The following ALS2CL variants were observed in gnomAD, a reference collection of about 807,000 sequenced individuals.
The protein encoded by ALS2CL is ALS2 C-terminal like.
In ALS2CL, 112 loss-of-function variants were observed where a neutral mutation model predicts 127.9. The ratio of observed to expected loss-of-function variants is 0.88; its 90% CI spans 0.75 to 1.02. The LOEUF (loss-of-function observed/expected upper bound fraction) is 1.02. Among genes scored for constraint, ALS2CL ranks in the 50% least tolerant of loss-of-function variants. ALS2CL has a pLI of 0.00. For missense variants in ALS2CL, 1,174 were observed against 1,236.7 expected (o/e 0.95, Z 0.76); for synonymous variants, 519 against 527.6 (o/e 0.98, Z 0.22).
In ALS2CL at chr3:46,674,621, C is replaced by T; in HGVS notation, c.2374G>A (p.Ala792Thr). 2.5e-6 allele frequency: 4 copies of T among 1,614,080 alleles called. No homozygotes were observed. Among genetic ancestry groups the T allele is most frequent in the Non-Finnish European group, 2.5e-6 (3 of 1,179,996 alleles). Residue 792 changes from alanine to threonine, a missense_variant, in exon 21 of 26, where the codon GCC becomes ACC. Physicochemically the swap from Ala to Thr is moderately conservative, Grantham distance 58 (BLOSUM62 0). Coordinates refer to ENST00000318962, the MANE Select transcript of ALS2CL (RefSeq NM_147129.5). ...GTATCAGGAAAGAGGCTCAAGTTGG[C>T]AATGCCCTGGCTGTAGAAGCTGTCC... ...REDSFYSQGI[A>T]NLSLFPDTQL... is the part of the protein sequence containing the mutation.
chr3:46,676,799 GC>G, intron 17 of ALS2CL, 49 bp downstream of exon 17: 1 of 1,594,444 alleles, frequency 6.3e-7, no homozygotes, highest in Non-Finnish European at 8.6e-7. Flanking sequence ...CCCCCAGGAA[GC>G]CCTCCCCAGC....
At chr3:46,691,586 G>A (rs1700157311) in intron 1 of ALS2CL, among the ~76,000 whole-genome samples, 1 of 152,034 alleles carries the variant, frequency 6.6e-6, no homozygotes, top group South Asian at 2.1e-4. Context: ...CCCTCACCTG[G>A]CTGCTCAGCC....
chr3:46,687,148 G>C lies in ALS2CL; in HGVS notation c.369C>G (p.Ser123Arg). ...CCTTCCGCTGGCCCCGCCAGTACTC[G>C]CTGCGTGTAGAGAGGGCCACGCACC... ...QAFQKAAKRR[S>R]EYWRGQRKAL... Residue 123 changes from serine to arginine, a missense_variant and splice_region_variant, in exon 5 of 26, where the codon AGC becomes AGG. By Grantham distance (110) the Ser-to-Arg change is moderately radical. Coordinates refer to ENST00000318962, the MANE Select transcript of ALS2CL (RefSeq NM_147129.5). 6.4e-7 allele frequency: 1 copy of C among 1,563,772 alleles called. No individual in the cohort carries two copies. The highest frequency in any genetic ancestry group is 8.6e-7 in the Non-Finnish European group (1 of 1,162,230).
intron 3 of ALS2CL, 50 bp from the exon 4 acceptor site, chr3:46,687,734 C>A: frequency 6.4e-7 from 1 of 1,564,158 alleles, no homozygotes; most frequent in South Asian, 1.2e-5. Context: ...CAGCCCCAGA[C>A]CTAAGCCCCT....
rs998921488 is a variant in ALS2CL at position 46,670,791 on chromosome 3, C to T, written c.*193G>A. On this transcript the variant is annotated 3_prime_UTR_variant, in exon 26 of 26. Transcript: ENST00000318962. The surrounding 1 kb of genome is among the most constrained non-coding windows in gnomAD (Gnocchi z 5.5). ...GCTAGTGGCCAAGGGAAAACCACCA[C>T]ATCCAGGGCCACACCCGTCACCCCT... The T allele has an allele frequency of 1.7e-5, 10 of 572,066 alleles. No homozygotes were observed. The highest frequency in any genetic ancestry group is 1.1e-4 in the African/African-American group (6 of 53,094). 35.4% of individuals were successfully genotyped at this position (572,066 alleles called of 1,614,324 possible).
At chr3:46,684,700 C>G (rs1350484093) in intron 7 of ALS2CL, among the ~76,000 whole-genome samples, 1 of 152,184 alleles carries the variant, frequency 6.6e-6, no homozygotes, top group Non-Finnish European at 1.5e-5. Flanking sequence ...CCACCAGACA[C>G]AACAGCATGT....
chr3:46,674,439 T>G, intron 21 of ALS2CL, 127 bp downstream of exon 21: 1 of 1,260,080 alleles, frequency 7.9e-7, no homozygotes, highest in Non-Finnish European at 1.1e-6. Context: ...CAGCCACACC[T>G]GAATGCATAA....
chr3:46,671,837 G>A, intron 24 of ALS2CL, 47 bp downstream of exon 24: 14 of 1,607,970 alleles, frequency 8.7e-6, no homozygotes, highest in Non-Finnish European at 1.1e-5. Context: ...GTGGTTGGGG[G>A]TGGGACCCTG....
rs1193762115 is a variant in ALS2CL at position 46,681,977 on chromosome 3, G to C, written c.1175+52C>G. ...CTGGTGACCACAGCAGGGGAGGAAA[G>C]CACCCTTCAGCCCACTGCACGCCTC... On this transcript the variant is annotated intron_variant, in intron 11 of 25. Coordinates refer to ENST00000318962, the MANE Select transcript of ALS2CL (RefSeq NM_147129.5). This position sits in a 1 kb window ranked among gnomAD's most constrained non-coding sequence, Gnocchi z 4.9. The C allele has an allele frequency of 1.9e-6, 3 of 1,593,456 alleles. No homozygotes were observed. The highest frequency in any genetic ancestry group is 1.7e-5 in the Admixed American group (1 of 58,512).
chr3:46,681,392 C>T lies in ALS2CL; in HGVS notation c.1290G>A (p.Glu430=), dbSNP rs183997141. 1.2e-6 allele frequency: 2 copies of T among 1,605,444 alleles called. No individual in the cohort carries two copies. The highest frequency in any genetic ancestry group is 2.7e-5 in the African/African-American group (2 of 74,870). The part of the protein sequence containing the change: ...GYGICEYSTD[E]VYKGYFQEGL... Reference sequence around the variant, plus strand: ...CCTCCTGGAAGTAGCCCTTGTACACCTCGTCGGTGCTGTACCTGGGGAGGG... The same window carrying T: ...CCTCCTGGAAGTAGCCCTTGTACACTTCGTCGGTGCTGTACCTGGGGAGGG... The change falls in exon 13 of 26, where the codon GAG becomes GAA. Residue 430 remains glutamate, a synonymous_variant. Transcript: ENST00000318962. This position sits in a 1 kb window ranked among gnomAD's most constrained non-coding sequence, Gnocchi z 4.9.
At chr3:46,680,092 C>A (rs868085854) in intron 14 of ALS2CL, 6 of 280,968 alleles carry the variant, frequency 2.1e-5, no homozygotes, top group African/African-American at 6.3e-5. Flanking sequence ...AGGGTGGGAG[C>A]TTAGCCCAGA....
rs754547134 is a variant in ALS2CL at position 46,689,327 on chromosome 3, C to A, written c.103+11G>T. 25 of 1,612,272 alleles carry A rather than the reference C, an allele frequency of 1.6e-5. No homozygotes were observed. Among genetic ancestry groups the A allele is most frequent in the Admixed American group, 1.5e-4 (9 of 59,950 alleles). ...GTGCCCTTCCCTCCCCACTAGAAAGCCTAGACTCACCGGCTGGGAGCAGGG... is the reference window on the plus strand; with the variant it reads ...GTGCCCTTCCCTCCCCACTAGAAAGACTAGACTCACCGGCTGGGAGCAGGG... On this transcript the variant is annotated intron_variant, in intron 2 of 25. Transcript: ENST00000318962.
chr3:46,678,195 C>G (rs763712718), intron 16 of ALS2CL, 64 bp downstream of exon 16: 102 of 1,470,436 alleles, frequency 6.9e-5, no homozygotes, highest in Non-Finnish European at 6.3e-5. Context: ...AGACCTGAGT[C>G]TTTGGGATGG....
At chr3:46,676,174 C>T in intron 19 of ALS2CL, 71 bp downstream of exon 19, 1 of 1,565,522 alleles carries the variant, frequency 6.4e-7, no homozygotes, top group South Asian at 1.1e-5. Flanking sequence ...AAATGCAAGG[C>T]AGAACTGATG....
chr3:46,690,577 G>C (rs945791120), intron 1 of ALS2CL, among the ~76,000 whole-genome samples: 2 of 152,164 alleles, frequency 1.3e-5, no homozygotes, highest in African/African-American at 4.8e-5. Context: ...TCCCCTACCA[G>C]ACCCTGGTAC....
At chr3:46,690,747 A>T (rs568269419) in intron 1 of ALS2CL, among the ~76,000 whole-genome samples, 1 of 152,284 alleles carries the variant, frequency 6.6e-6, no homozygotes, top group East Asian at 1.9e-4. Flanking sequence ...AGGGGACAAA[A>T]TCAGGGCAGC....
At chr3:46,671,842 A>ACCCTGC (rs778983246) in intron 24 of ALS2CL, 42 bp downstream of exon 24, 302 of 1,608,678 alleles carry the variant, frequency 1.9e-4, no homozygotes, top group South Asian at 2.6e-4. Flanking sequence ...TGGGGGTGGG[A>ACCCTGC]CCCTGCCCCT....
chr3:46,675,326 A>G, intron 20 of ALS2CL: 1 of 392,870 alleles, frequency 2.5e-6, no homozygotes, highest in Non-Finnish European at 4.6e-6. Flanking sequence ...CAGGGAGAGG[A>G]GGGTGCCTCG....
At position 46,681,444 on chromosome 3, in the gene ALS2CL, G is replaced by T; in HGVS notation, c.1275-37C>A. 6.2e-7 allele frequency: 1 copy of T among 1,610,808 alleles called. No individual in the cohort carries two copies. Among genetic ancestry groups the T allele is most frequent in the Non-Finnish European group, 8.5e-7 (1 of 1,177,462 alleles). On this transcript the variant is annotated intron_variant, in intron 12 of 25. Transcript: ENST00000318962. This position sits in a 1 kb window ranked among gnomAD's most constrained non-coding sequence, Gnocchi z 4.9. ...CATCAACAACGAGCTCTGCCTCATG[G>T]AGCTCAGCCCAGAGGATGGGCCCAG...
Sources: gnomAD v4.1 joint callset for allele counts (sites outside exome capture counted in the v4.1 genomes callset) on GRCh38, gnomAD v4.1.1 for gene constraint, Gnocchi (gnomAD v3.1) non-coding constraint, MANE v1.5 for transcripts, NCBI Gene and HGNC (gene_info 2026-07-23, HGNC 2026-07-21) for gene names.